The following RRH variants were observed in gnomAD, a reference collection of about 807,000 sequenced individuals.
RRH encodes retinal pigment epithelium-derived rhodopsin homolog, also known as visual pigment-like receptor peropsin.
In RRH, 36 loss-of-function variants were observed where a neutral mutation model predicts 33.1. The ratio of observed to expected loss-of-function variants is 1.09; its 90% CI spans 0.83 to 1.44. RRH has a LOEUF of 1.44. Among genes scored for constraint, RRH ranks in the 40% most tolerant of loss-of-function variants. The pLI is 0.00. For missense variants in RRH, 393 were observed against 420.2 expected (o/e 0.94, Z 0.57); for synonymous variants, 124 against 140.2 (o/e 0.88, Z 0.82).
intron 4 of RRH, among the ~76,000 whole-genome samples, chr4:109,836,965 G>A (rs1323090000): frequency 6.6e-6 from 1 of 151,622 alleles, no homozygotes; most frequent in Non-Finnish European, 1.5e-5. Context: ...GTGTATGCCT[G>A]TGGTCTCAGC....
intron 6 of RRH, among the ~76,000 whole-genome samples, 170 bp from the exon 7 acceptor site, chr4:109,843,913 A>G (rs1435440570): frequency 1.3e-5 from 2 of 152,232 alleles, no homozygotes; most frequent in African/African-American, 4.8e-5. Flanking sequence ...TAACTGTACC[A>G]TATACTTTAT....
At position 109,833,166 on chromosome 4, in the gene RRH, T is replaced by C. The variant is rs1470356006; in HGVS notation, c.134T>C (p.Ile45Thr). ...AGMISIISNIIVLGIFIKYKE... is the reference protein window; with the variant it reads ...AGMISIISNITVLGIFIKYKE... ...ATGATAAGTATTATCAGCAACATAA[T>C]AGTTCTGGGCATCTTCATTAAGTAC... Residue 45 changes from isoleucine (I) to threonine (T), a missense_variant, in exon 2 of 7, where the codon ATA (isoleucine) becomes ACA (threonine). By Grantham distance (89) the Ile-to-Thr change is moderately conservative. Transcript: ENST00000317735. 1.2e-6 allele frequency: 2 copies of C among 1,613,708 alleles called. No homozygotes were observed. The highest frequency in any genetic ancestry group is 4.5e-5 in the East Asian group (2 of 44,868).
chr4:109,833,377 TG>T, intron 2 of RRH, 48 bp downstream of exon 2: 1 of 1,453,850 alleles, frequency 6.9e-7, no homozygotes. Flanking sequence ...ATCAAATAAA[TG>T]TAAATTTAAA....
Position 109,836,000 on chromosome 4 carries a change from A to T in RRH, c.398-7A>T. Reference sequence around the variant, plus strand: ...ATGTTGCTAATATTTCCTGTGCTTGATAATAGGGAGAAGAATGACCACCAA... The same window carrying T: ...ATGTTGCTAATATTTCCTGTGCTTGTTAATAGGGAGAAGAATGACCACCAA... On this transcript the variant is annotated splice_region_variant and splice_polypyrimidine_tract_variant and intron_variant, in intron 3 of 6. Coordinates refer to ENST00000317735, the MANE Select transcript of RRH (RefSeq NM_006583.5). The T allele has an allele frequency of 6.2e-7, 1 of 1,614,162 alleles. No individual in the cohort carries two copies. The highest frequency in any genetic ancestry group is 1.3e-5 in the African/African-American group (1 of 75,050).
chr4:109,837,693 C>T (rs755341060), intron 5 of RRH, 88 bp downstream of exon 5: 3 of 936,972 alleles, frequency 3.2e-6, no homozygotes, highest in Admixed American at 3.9e-5. Context: ...CCGCAGTCTT[C>T]TCTCCCTCAT....
At chr4:109,837,046 C>T (rs138544866) in intron 4 of RRH, among the ~76,000 whole-genome samples, 67 of 152,076 alleles carry the variant, frequency 4.4e-4, no homozygotes, top group Middle Eastern at 6.8e-3. Flanking sequence ...GTGATTGCAC[C>T]GCTGCACTCC....
At chr4:109,841,151 A>G (rs1733974982) in intron 5 of RRH, among the ~76,000 whole-genome samples, 1 of 152,102 alleles carries the variant, frequency 6.6e-6, no homozygotes, top group South Asian at 2.1e-4. Flanking sequence ...TATATTTTTC[A>G]TGTTGCTCCC....
chr4:109,832,813 A>G (rs372467072), intron 1 of RRH, among the ~76,000 whole-genome samples: 3 of 152,140 alleles, frequency 2.0e-5, no homozygotes, highest in East Asian at 3.9e-4. Flanking sequence ...TCAGTCATAT[A>G]TTTGTCCTAA....
At chr4:109,842,370 A>G in intron 5 of RRH, 99 bp from the exon 6 acceptor site, 2 of 1,138,974 alleles carry the variant, frequency 1.8e-6, no homozygotes, top group Non-Finnish European at 2.5e-6. Flanking sequence ...ACATAAACAT[A>G]TTCAAATTCC....
intron 1 of RRH, among the ~76,000 whole-genome samples, chr4:109,830,076 T>A (rs1733717948): frequency 6.6e-6 from 1 of 152,230 alleles, no homozygotes; most frequent in Admixed American, 6.5e-5. Context: ...TCATTTATAG[T>A]TTGGCTCCTA....
chr4:109,837,455 C>G lies in RRH; in HGVS notation c.570C>G (p.Thr190=). The G allele has an allele frequency of 6.2e-7, 1 of 1,613,978 alleles. No homozygotes were observed. The highest frequency in any genetic ancestry group is 8.5e-7 in the Non-Finnish European group (1 of 1,179,898). Residue 190 remains threonine, a synonymous_variant, in exon 5 of 7, where the codon ACC becomes ACG. Coordinates refer to ENST00000317735, the MANE Select transcript of RRH (RefSeq NM_006583.5). ...RKNDRSFVSY[T]MTVIAINFIV... ...TTTTCAGATCTTTTGTGTCTTACAC[C>G]ATGACAGTTATTGCGATAAATTTTA...
chr4:109,842,420 A>G (rs761280279), intron 5 of RRH, 49 bp from the exon 6 acceptor site: 14 of 1,514,196 alleles, frequency 9.2e-6, no homozygotes, highest in Admixed American at 5.0e-5. Flanking sequence ...ATATATTAAT[A>G]TTTAAATATT....
chr4:109,838,237 T>C (rs1733925808), intron 5 of RRH, among the ~76,000 whole-genome samples: 1 of 152,226 alleles, frequency 6.6e-6, no homozygotes, highest in African/African-American at 2.4e-5. Context: ...TCCTTACCTG[T>C]CAGTATAATG....
chr4:109,833,398 C>A (rs146502291), intron 2 of RRH, 69 bp downstream of exon 2: 1 of 1,256,654 alleles, frequency 8.0e-7, no homozygotes, highest in East Asian at 2.5e-5. Flanking sequence ...ATGTCTAAAA[C>A]GAATCCCAAG....
intron 5 of RRH, among the ~76,000 whole-genome samples, chr4:109,840,439 T>C (rs969480237): frequency 2.0e-5 from 3 of 152,202 alleles, no homozygotes; most frequent in African/African-American, 7.2e-5. Context: ...CTGTTTATAG[T>C]TTCTTTTGCT....
chr4:109,833,624 AT>A (rs1733810361), intron 2 of RRH, among the ~76,000 whole-genome samples: 1 of 152,210 alleles, frequency 6.6e-6, no homozygotes, highest in Non-Finnish European at 1.5e-5. Context: ...ATATTTGCAT[AT>A]TGCAAATTAA....
rs779097732 is a variant in RRH, at chr4:109,833,268, A to G, written c.236A>G (p.Tyr79Cys). The change falls in exon 2 of 7, where the codon TAT (tyrosine) becomes TGT (cysteine). Residue 79 changes from tyrosine to cysteine, a missense_variant. Tyr to Cys is a radical substitution (Grantham distance 194). Coordinates refer to ENST00000317735, the MANE Select transcript of RRH (RefSeq NM_006583.5). ...GATATAGGGGTCAGTAGCATTGGCT[A>G]TCCCATGTCTGCTGCCTCAGATCTG... ...VTDIGVSSIG[Y>C]PMSAASDLYG... The G allele has an allele frequency of 1.9e-6, 3 of 1,613,980 alleles. No individual in the cohort carries two copies. In the African/African-American group the frequency reaches 4.0e-5, roughly 22 times the overall value.
intron 5 of RRH, among the ~76,000 whole-genome samples, chr4:109,840,983 A>T (rs1036926610): frequency 1.1e-4 from 16 of 151,834 alleles, no homozygotes; most frequent in African/African-American, 2.7e-4. Context: ...AATCAAAAAA[A>T]TTTTTTTTCT....
At position 109,833,239 on chromosome 4, in the gene RRH, T is replaced by TA. The variant is rs1733798510; in HGVS notation, c.208dup (p.Thr70AsnfsTer2). The TA allele has an allele frequency of 6.2e-7, 1 of 1,614,100 alleles. No individual in the cohort carries two copies. Among genetic ancestry groups the TA allele is most frequent in the Non-Finnish European group, 8.5e-7 (1 of 1,179,954 alleles). ...ATGCAATTATTATTAACCTGGCTGT[T>TA]ACTGATATAGGGGTCAGTAGCATTG... On this transcript the variant is annotated frameshift_variant, in exon 2 of 7. Transcript: ENST00000317735. LOFTEE classifies it high-confidence loss of function.
Sources: allele counts gnomAD v4.1 joint callset (sites outside exome capture counted in the v4.1 genomes callset), GRCh38; gene constraint gnomAD v4.1.1; transcripts MANE v1.5; gene names NCBI Gene and HGNC (gene_info 2026-07-23, HGNC 2026-07-21).